The following NELL1 variants were observed in gnomAD, a reference collection of about 807,000 sequenced individuals.
The protein encoded by NELL1 is protein kinase C-binding protein NELL1.
Under a neutral mutation model 107.4 loss-of-function variants are expected in NELL1, and 76 were observed. The ratio of observed to expected loss-of-function variants is 0.71; its 90% CI spans 0.59 to 0.86. The LOEUF (loss-of-function observed/expected upper bound fraction) is 0.86. Among genes scored for constraint, NELL1 ranks in the 40% least tolerant of loss-of-function variants. The pLI, the probability that NELL1 is intolerant of heterozygous loss-of-function variation, is 0.00. For synonymous variants in NELL1, 353 were observed against 341.2 expected (o/e 1.03, Z -0.38); for missense variants, 1,024 against 1,005.5 (o/e 1.02, Z -0.25).
intron 13 of NELL1, among the ~76,000 whole-genome samples, chr11:21,149,464 G>A (rs1223298010): frequency 2.6e-5 from 4 of 152,198 alleles, no homozygotes; most frequent in African/African-American, 2.4e-5. Flanking sequence ...GAGTGCTTGT[G>A]AAGGGAAACT....
intron 13 of NELL1, chr11:21,169,651 G>A: frequency 2.2e-6 from 1 of 451,924 alleles, no homozygotes; most frequent in Admixed American, 4.1e-5. Flanking sequence ...GTATGTTTAG[G>A]CAAACCCCTT....
At chr11:21,252,538 T>A (rs897049613) in intron 14 of NELL1, among the ~76,000 whole-genome samples, 3 of 152,170 alleles carry the variant, frequency 2.0e-5, no homozygotes, top group African/African-American at 7.2e-5. Context: ...TGTTATACTT[T>A]TTAGGATAGC....
intron 15 of NELL1, among the ~76,000 whole-genome samples, chr11:21,499,160 G>T (rs1440183616): frequency 6.6e-6 from 1 of 151,740 alleles, no homozygotes; most frequent in Non-Finnish European, 1.5e-5. Flanking sequence ...GGATCATTAA[G>T]ATATTATTTC....
chr11:20,977,452 G>T (rs778395297), intron 12 of NELL1, among the ~76,000 whole-genome samples: 1 of 151,860 alleles, frequency 6.6e-6, no homozygotes, highest in African/African-American at 2.4e-5. Flanking sequence ...TTTTACTAGA[G>T]ACAGGGTTTC....
intron 16 of NELL1, among the ~76,000 whole-genome samples, chr11:21,557,601 A>C (rs1399225335): frequency 6.6e-6 from 1 of 151,980 alleles, no homozygotes; most frequent in Non-Finnish European, 1.5e-5. Flanking sequence ...ATTTGACAGA[A>C]AATAAAAGTT....
intron 12 of NELL1, among the ~76,000 whole-genome samples, chr11:21,026,150 C>A (rs1162606843): frequency 6.6e-6 from 1 of 152,154 alleles, no homozygotes; most frequent in African/African-American, 2.4e-5. Context: ...CTAATATGGT[C>A]CTGTTAAATT....
At chr11:21,231,685 C>T (rs1156763894) in intron 14 of NELL1, among the ~76,000 whole-genome samples, 5 of 152,034 alleles carry the variant, frequency 3.3e-5, no homozygotes, top group Admixed American at 6.6e-5. Context: ...GTTTCACCTT[C>T]GTAGAATTTT....
chr11:20,907,683 A>G (rs760747420), intron 5 of NELL1, among the ~76,000 whole-genome samples: 9 of 152,180 alleles, frequency 5.9e-5, no homozygotes, highest in Non-Finnish European at 1.3e-4. Context: ...ACCAAAAGCA[A>G]TTGGAACAGA....
At chr11:20,878,669 T>A (rs1849352789) in intron 4 of NELL1, among the ~76,000 whole-genome samples, 1 of 152,240 alleles carries the variant, frequency 6.6e-6, no homozygotes, top group South Asian at 2.1e-4. Flanking sequence ...ATCAGCATAA[T>A]GTAAAGTGTC....
chr11:21,566,114 T>C (rs2134008107), intron 17 of NELL1, among the ~76,000 whole-genome samples: 1 of 152,070 alleles, frequency 6.6e-6, no homozygotes, highest in Middle Eastern at 3.4e-3. Context: ...ACAGACAAAA[T>C]GTAAATGAAC....
chr11:20,972,849 G>A (rs1310271839), intron 12 of NELL1, among the ~76,000 whole-genome samples: 1 of 152,148 alleles, frequency 6.6e-6, no homozygotes, highest in Non-Finnish European at 1.5e-5. Context: ...TCAGTTGTTA[G>A]TCTGCTGCTG....
intron 12 of NELL1, among the ~76,000 whole-genome samples, chr11:21,086,793 A>G (rs1384461339): frequency 6.6e-6 from 1 of 151,758 alleles, no homozygotes; most frequent in Non-Finnish European, 1.5e-5. Flanking sequence ...GAGAAAAAGA[A>G]TGAATAACAA....
At chr11:21,433,269 A>G (rs890273585) in intron 15 of NELL1, among the ~76,000 whole-genome samples, 1 of 152,166 alleles carries the variant, frequency 6.6e-6, no homozygotes. Context: ...TTCTGTATCC[A>G]TTCATCTGCT....
intron 15 of NELL1, among the ~76,000 whole-genome samples, chr11:21,382,027 T>C (rs1477315799): frequency 6.7e-6 from 1 of 149,420 alleles, no homozygotes; most frequent in African/African-American, 2.5e-5. Flanking sequence ...ACTCTGTACA[T>C]AGGAAGAGTT....
Position 21,327,180 on chromosome 11 carries a change from T to TG in NELL1, c.1550-43666dup, listed in dbSNP as rs1319198587. On this transcript the variant is annotated intron_variant, in intron 14 of 19. Coordinates refer to ENST00000357134, the MANE Select transcript of NELL1 (RefSeq NM_006157.5). ...ATCTGATGTTTTTTTTTTTTTTTTGTGGGGGGGACTGTTGTGGGGTGTAGG... is the reference window on the plus strand; with the variant it reads ...ATCTGATGTTTTTTTTTTTTTTTTGTGGGGGGGGACTGTTGTGGGGTGTAGG... 3.1e-3 allele frequency among the ~76,000 whole-genome samples: 215 copies of TG among 70,162 alleles called. 1 individual carries two copies. The highest frequency in any genetic ancestry group is 0.011 in the African/African-American group (198 of 18,536). The allele number at this position is 70,162 out of a possible 152,430, so 46.0% of individuals were successfully genotyped here.
At chr11:21,363,694 A>G (rs902087569) in intron 14 of NELL1, among the ~76,000 whole-genome samples, 2 of 152,304 alleles carry the variant, frequency 1.3e-5, no homozygotes, top group East Asian at 3.9e-4. Flanking sequence ...ATTATGATAT[A>G]GTTACTATAA....
At chr11:21,336,665 A>G (rs1419978412) in intron 14 of NELL1, among the ~76,000 whole-genome samples, 1 of 94,228 alleles carries the variant, frequency 1.1e-5, no homozygotes, top group Non-Finnish European at 2.2e-5. Flanking sequence ...ATATATATAT[A>G]TATATATATA....
chr11:21,111,563 A>G (rs1022849040), intron 12 of NELL1, among the ~76,000 whole-genome samples: 14 of 152,100 alleles, frequency 9.2e-5, no homozygotes, highest in African/African-American at 2.7e-4. Flanking sequence ...TGCAACAGGT[A>G]TATGGTGGCT....
intron 12 of NELL1, among the ~76,000 whole-genome samples, chr11:21,020,966 C>T (rs965538099): frequency 1.3e-5 from 2 of 150,562 alleles, no homozygotes; most frequent in African/African-American, 4.9e-5. Flanking sequence ...GGAAAAAATC[C>T]TTCCTGGTAA....
Sources: allele counts gnomAD v4.1 joint callset (sites outside exome capture counted in the v4.1 genomes callset), GRCh38; gene constraint gnomAD v4.1.1; transcripts MANE v1.5; gene names NCBI Gene and HGNC (gene_info 2026-07-23, HGNC 2026-07-21).